Variants in TMEM255B observed in about 807,000 individuals in gnomAD.
TMEM255B encodes the protein transmembrane protein 255B.
A neutral mutation model predicts 34.5 loss-of-function variants in TMEM255B; 35 were observed. The observed-to-expected ratio is 1.01, with a 90% CI of 0.77 to 1.34. TMEM255B has a LOEUF of 1.34. Ranked by LOEUF, TMEM255B falls within the 40% of genes most tolerant of loss-of-function variation. TMEM255B has a pLI of 0.00. For missense variants in TMEM255B, 432 were observed against 433.2 expected, an observed-to-expected ratio of 1.00 and a Z score of 0.02; for synonymous variants, 206 against 201.2, an observed-to-expected ratio of 1.02 and a Z score of -0.20.
intron 3 of TMEM255B, among the ~76,000 whole-genome samples, chr13:113,788,990 G>A (rs1266312753): frequency 1.3e-5 from 2 of 151,950 alleles, no homozygotes; most frequent in Non-Finnish European, 2.9e-5. Flanking sequence ...GCCTTTGCAG[G>A]TGCTGCTGGG....
chr13:113,807,436 G>A lies in TMEM255B; in HGVS notation c.813+2408G>A, dbSNP rs1287717571. On this transcript the variant is annotated intron_variant, in intron 8 of 8. Coordinates refer to ENST00000375353, the MANE Select transcript of TMEM255B (RefSeq NM_182614.4). Reference sequence around the variant, plus strand: ...CGGGATGTGGGGGGTGGTCCTCCCCGTCACACGCAGGCTTACGGGATGTGG... The same window carrying A: ...CGGGATGTGGGGGGTGGTCCTCCCCATCACACGCAGGCTTACGGGATGTGG... Among the ~76,000 whole-genome samples the A allele has an allele frequency of 6.5e-5, 9 of 138,060 alleles. 1 individual carries two copies. Among genetic ancestry groups the A allele is most frequent in the African/African-American group, 1.4e-4 (5 of 36,140 alleles). The allele number at this position is 138,060 out of a possible 152,430, so 90.6% of individuals were successfully genotyped here.
In TMEM255B at chr13:113,812,334, G is replaced by C. The variant is rs2051328631; in HGVS notation, c.*431G>C. 1 of 175,392 alleles carries C rather than the reference G, an allele frequency of 5.7e-6. No individual in the cohort carries two copies. The highest frequency in any genetic ancestry group is 2.4e-5 in the African/African-American group (1 of 41,834). 10.9% of individuals were successfully genotyped at this position (175,392 alleles called of 1,614,324 possible). ...TGCATCTGTGTCCTGGAGAAGCGCA[G>C]GGCAGAAGCCACCCGCCCCTCGTGC... On this transcript the variant is annotated 3_prime_UTR_variant, in exon 9 of 9. Transcript: ENST00000375353.
chr13:113,799,589 A>G (rs766525645), intron 5 of TMEM255B, 170 bp downstream of exon 5: 3 of 650,676 alleles, frequency 4.6e-6, no homozygotes, highest in Non-Finnish European at 8.3e-6. Context: ...GGACCTTGAC[A>G]TTTCGATGTG....
chr13:113,788,680 A>C (rs989701998), intron 3 of TMEM255B, among the ~76,000 whole-genome samples: 74 of 152,162 alleles, frequency 4.9e-4, no homozygotes, highest in African/African-American at 1.7e-3. Flanking sequence ...TGCCGTCATC[A>C]GCACGGTGTC....
At chr13:113,761,219 AT>A (rs1246434983) in intron 1 of TMEM255B, 1 of 985,168 alleles carries the variant, frequency 1.0e-6, no homozygotes, top group African/African-American at 1.7e-5. Flanking sequence ...GGAAGGCCGG[AT>A]CTTAGAACCC....
intron 4 of TMEM255B, among the ~76,000 whole-genome samples, chr13:113,799,051 G>C (rs1312228634): frequency 6.6e-6 from 1 of 152,238 alleles, no homozygotes; most frequent in East Asian, 1.9e-4. Context: ...AAAAGGCCAA[G>C]CACCTGTCTC....
rs141127433 is a variant in TMEM255B at position 113,763,238 on chromosome 13, T to G, written c.47-2877T>G. ...ATGGTGTTATTATCATCAATATGAT[T>G]ATTTTGTGTAATTCCACAATAGCTG... On this transcript the variant is annotated intron_variant, in intron 1 of 8. Transcript: ENST00000375353. 2.0e-4 allele frequency among the ~76,000 whole-genome samples: 30 copies of G among 152,386 alleles called. 2 individuals carry two copies. In the East Asian group the frequency reaches 5.8e-3, roughly 29 times the overall value.
At chr13:113,771,862 T>C (rs924466814) in intron 3 of TMEM255B, among the ~76,000 whole-genome samples, 1 of 152,212 alleles carries the variant, frequency 6.6e-6, no homozygotes, top group Non-Finnish European at 1.5e-5. Flanking sequence ...CTTTTGGGCA[T>C]GTACCTAGGA....
At chr13:113,805,738 G>A (rs1594167640) in intron 8 of TMEM255B, among the ~76,000 whole-genome samples, 1 of 152,234 alleles carries the variant, frequency 6.6e-6, no homozygotes, top group Non-Finnish European at 1.5e-5. Context: ...AGCCGCCGGT[G>A]TGACAACCCA....
chr13:113,787,748 T>A (rs1181543444), intron 3 of TMEM255B, among the ~76,000 whole-genome samples: 1 of 151,562 alleles, frequency 6.6e-6, no homozygotes, highest in African/African-American at 2.4e-5. Context: ...GTGAGAGCCG[T>A]GAATGTGTCA....
At chr13:113,787,426 G>C (rs1474078477) in intron 3 of TMEM255B, among the ~76,000 whole-genome samples, 3 of 152,258 alleles carry the variant, frequency 2.0e-5, no homozygotes, top group Non-Finnish European at 4.4e-5. Context: ...GCTGACCTGA[G>C]TGGTGCGGCT....
rs2051386574 is a variant in TMEM255B, at chr13:113,814,945, C to A, written c.*3042C>A. 6.6e-6 allele frequency: 1 copy of A among 151,816 alleles called. No homozygotes were observed. Among genetic ancestry groups the A allele is most frequent in the Admixed American group, 6.6e-5 (1 of 15,228 alleles). The allele number at this position is 151,816 out of a possible 1,614,324, so 9.4% of individuals were successfully genotyped here. A position where few individuals can be genotyped will look rare whatever the true frequency, so the allele number is the denominator to read the frequency against. ...GGGTGCTGTGGCCCCACCTGCACTC[C>A]CTGCCTCACTGGGACAGCACAGGAG... On this transcript the variant is annotated 3_prime_UTR_variant, in exon 9 of 9. Transcript: ENST00000375353.
chr13:113,790,946 G>A (rs1287641239), intron 3 of TMEM255B, among the ~76,000 whole-genome samples: 1 of 152,264 alleles, frequency 6.6e-6, no homozygotes, highest in African/African-American at 2.4e-5. Flanking sequence ...GGACAGCCAG[G>A]CAGAGCTGGG....
chr13:113,790,246 G>A (rs1455790709), intron 3 of TMEM255B, among the ~76,000 whole-genome samples: 2 of 112,314 alleles, frequency 1.8e-5, no homozygotes, highest in African/African-American at 2.8e-5. Context: ...GACCGGGCAC[G>A]TGGGCATCCT....
chr13:113,788,883 C>T (rs563839785), intron 3 of TMEM255B, among the ~76,000 whole-genome samples: 265 of 152,152 alleles, frequency 1.7e-3, no homozygotes, highest in African/African-American at 6.1e-3. Context: ...GGCCGCGCCG[C>T]GCCTCCCTCC....
intron 7 of TMEM255B, among the ~76,000 whole-genome samples, chr13:113,803,764 G>A (rs76603312): frequency 2.2e-4 from 33 of 152,290 alleles, no homozygotes; most frequent in Middle Eastern, 3.4e-3. Flanking sequence ...TGTGGACCAA[G>A]GACCAGCTGC....
intron 2 of TMEM255B, chr13:113,768,829 C>A (rs1331058395): frequency 1.4e-5 from 8 of 553,052 alleles, no homozygotes; most frequent in Non-Finnish European, 2.8e-5. Context: ...GGAGTGGGAA[C>A]TTCTCTTACC....
At chr13:113,767,457 A>T (rs2050409030) in intron 2 of TMEM255B, among the ~76,000 whole-genome samples, 1 of 152,224 alleles carries the variant, frequency 6.6e-6, no homozygotes, top group Non-Finnish European at 1.5e-5. Flanking sequence ...CCTCCAAGTG[A>T]TTTGCGAAAC....
chr13:113,761,650 C>T (rs2050310341), intron 1 of TMEM255B, among the ~76,000 whole-genome samples: 1 of 152,188 alleles, frequency 6.6e-6, no homozygotes, highest in Non-Finnish European at 1.5e-5. Context: ...TCTTAAAGTT[C>T]ACACCACCCT....
Sources: gnomAD v4.1 joint callset for allele counts (sites outside exome capture counted in the v4.1 genomes callset) on GRCh38, gnomAD v4.1.1 for gene constraint, MANE v1.5 for transcripts, NCBI Gene and HGNC (gene_info 2026-07-23, HGNC 2026-07-21) for gene names.